The following PPP1R1C variants were observed in gnomAD, a reference collection of about 807,000 sequenced individuals.
PPP1R1C encodes the protein protein phosphatase 1 regulatory subunit 1C.
A neutral mutation model predicts 17.4 loss-of-function variants in PPP1R1C; 15 were observed. The observed-to-expected ratio is 0.86, with a 90% confidence interval of 0.58 to 1.33. The LOEUF is 1.33. Among genes scored for constraint, PPP1R1C ranks in the 40% most tolerant of loss-of-function variants. The pLI is 0.00. For missense variants in PPP1R1C, 143 were observed against 130.0 expected (o/e 1.10, Z -0.48); for synonymous variants, 35 against 43.1 (o/e 0.81, Z 0.73).
intron 1 of PPP1R1C, among the ~76,000 whole-genome samples, chr2:181,963,274 A>C (rs1227172834): frequency 6.6e-6 from 1 of 152,366 alleles, no homozygotes; most frequent in East Asian, 1.9e-4. Context: ...TCTGAGTAGC[A>C]TGAATAGAAA....
At chr2:181,975,128 T>C (rs1234695225) in intron 1 of PPP1R1C, 3 of 151,936 alleles carry the variant, frequency 2.0e-5, no homozygotes, top group African/African-American at 7.2e-5. Flanking sequence ...TTTAGATCAG[T>C]GTTCCTGATG....
At chr2:182,063,914 G>A in intron 4 of PPP1R1C, 123 bp downstream of exon 4, 1 of 767,198 alleles carries the variant, frequency 1.3e-6, no homozygotes, top group African/African-American at 1.7e-5. Flanking sequence ...CAACTTAACA[G>A]TGTTATGTTC....
intron 4 of PPP1R1C, among the ~76,000 whole-genome samples, chr2:182,081,997 A>G (rs77626219): frequency 0.039 from 5,870 of 152,238 alleles, 373 homozygotes; most frequent in African/African-American, 0.13. Flanking sequence ...TTTTTTTAAA[A>G]AAAGGTCTTT....
intron 2 of PPP1R1C, among the ~76,000 whole-genome samples, chr2:182,000,952 G>A (rs552273364): frequency 6.6e-6 from 1 of 152,260 alleles, no homozygotes; most frequent in East Asian, 1.9e-4. Flanking sequence ...AAAGCTCTGA[G>A]GATGGAGCAA....
chr2:182,002,312 T>C (rs1424827198), intron 2 of PPP1R1C, among the ~76,000 whole-genome samples: 29 of 152,126 alleles, frequency 1.9e-4, no homozygotes, highest in Admixed American at 1.9e-3. Flanking sequence ...TGAAAAACTT[T>C]AGTATGAAAT....
At chr2:181,963,405 C>T (rs1684844753) in intron 1 of PPP1R1C, among the ~76,000 whole-genome samples, 1 of 152,192 alleles carries the variant, frequency 6.6e-6, no homozygotes, top group Non-Finnish European at 1.5e-5. Flanking sequence ...CTTTGGGGGG[C>T]CGAAGCGGGT....
intron 5 of PPP1R1C, among the ~76,000 whole-genome samples, chr2:182,127,487 C>A (rs554020617): frequency 1.6e-4 from 25 of 152,136 alleles, no homozygotes; most frequent in African/African-American, 6.0e-4. Context: ...AATCAAGACA[C>A]CAACAAGCAA....
intron 4 of PPP1R1C, among the ~76,000 whole-genome samples, chr2:182,092,038 G>T (rs1688796114): frequency 6.6e-6 from 1 of 152,168 alleles, no homozygotes; most frequent in South Asian, 2.1e-4. Context: ...CTGAAAGTCT[G>T]CATTTTTTAC....
At chr2:182,030,169 T>C (rs200749894) in intron 2 of PPP1R1C, among the ~76,000 whole-genome samples, 18 of 150,034 alleles carry the variant, frequency 1.2e-4, no homozygotes, top group South Asian at 2.1e-4. Context: ...TGTCCTCCCA[T>C]AGCTCAGGGT....
intron 1 of PPP1R1C, among the ~76,000 whole-genome samples, chr2:181,973,245 T>A (rs1445472564): frequency 6.6e-6 from 1 of 152,146 alleles, no homozygotes; most frequent in African/African-American, 2.4e-5. Flanking sequence ...GACATTTGCT[T>A]TTACTGGAAG....
At chr2:181,960,341 G>A (rs1359536634) in intron 1 of PPP1R1C, among the ~76,000 whole-genome samples, 1 of 152,210 alleles carries the variant, frequency 6.6e-6, no homozygotes, top group African/African-American at 2.4e-5. Flanking sequence ...TTTAGGATGA[G>A]CACAAACCAT....
At chr2:182,101,802 A>G (rs866153654) in intron 4 of PPP1R1C, among the ~76,000 whole-genome samples, 2 of 152,148 alleles carry the variant, frequency 1.3e-5, no homozygotes, top group Admixed American at 1.3e-4. Flanking sequence ...TGAGAAAAGC[A>G]CTTTCTCAAA....
downstream of PPP1R1C, among the ~76,000 whole-genome samples, chr2:182,119,966 C>A (rs920380195): frequency 2.0e-5 from 3 of 152,208 alleles, no homozygotes; most frequent in Non-Finnish European, 2.9e-5. Context: ...GTGTTTTAGG[C>A]ATGAAGTCCT....
chr2:181,987,925 C>G, intron 2 of PPP1R1C, 26 bp downstream of exon 2: 1 of 1,561,192 alleles, frequency 6.4e-7, no homozygotes, highest in Non-Finnish European at 8.8e-7. Flanking sequence ...GTGTTTCACA[C>G]TGATGGAACA....
intron 2 of PPP1R1C, among the ~76,000 whole-genome samples, chr2:182,030,201 C>T (rs2125170173): frequency 6.6e-6 from 1 of 152,178 alleles, no homozygotes; most frequent in South Asian, 2.1e-4. Context: ...CTGAAGCCTT[C>T]TTCTCTCAGC....
chr2:182,126,174 A>G (rs1689867848), intron 5 of PPP1R1C, among the ~76,000 whole-genome samples: 1 of 152,018 alleles, frequency 6.6e-6, no homozygotes, highest in African/African-American at 2.4e-5. Flanking sequence ...TTTTTTTAAA[A>G]GTCTTTATAT....
In PPP1R1C at chr2:181,992,576, TGAGCTGTA is replaced by T. The variant is rs1264607060; in HGVS notation, c.142+4678_142+4685del. Among the ~76,000 whole-genome samples, 2 of 134,406 alleles carry T rather than the reference TGAGCTGTA, an allele frequency of 1.5e-5. 1 individual carries two copies. The highest frequency in any genetic ancestry group is 3.3e-5 in the Non-Finnish European group (2 of 60,004). The allele number at this position is 134,406 out of a possible 152,430, so 88.2% of individuals were successfully genotyped here. On this transcript the variant is annotated intron_variant, in intron 2 of 4. Coordinates refer to ENST00000682840, the MANE Select transcript of PPP1R1C (RefSeq NM_001080545.3). The stretch of plus-strand genomic sequence containing the variant: ...GGACCTGACGCCTACTAAACATGAG[TGAGCTGTA>T]TGAGGCCTGGAGATAAGTGCAGATT...
At chr2:182,058,626 T>G (rs1467311528) in intron 2 of PPP1R1C, among the ~76,000 whole-genome samples, 1 of 152,250 alleles carries the variant, frequency 6.6e-6, no homozygotes, top group East Asian at 1.9e-4. Flanking sequence ...ATTATTATGC[T>G]TCCTCTTTCC....
intron 4 of PPP1R1C, among the ~76,000 whole-genome samples, chr2:182,069,269 G>T (rs1196169): frequency 1.2e-3 from 178 of 151,270 alleles, no homozygotes; most frequent in African/African-American, 4.1e-3. Context: ...TACAAGTCTC[G>T]CTTTCTTTTT....
Sources: allele counts gnomAD v4.1 joint callset (sites outside exome capture counted in the v4.1 genomes callset), GRCh38; gene constraint gnomAD v4.1.1; transcripts MANE v1.5; gene names NCBI Gene and HGNC (gene_info 2026-07-23, HGNC 2026-07-21).